The following NEGR1 variants were observed in gnomAD, a reference collection of about 807,000 sequenced individuals.
NEGR1 encodes neuronal growth regulator 1, also known as IgLON family member 4.
In NEGR1, 10 loss-of-function variants were observed where a neutral mutation model predicts 40.9. That is an observed-to-expected ratio of 0.24 (90% confidence interval 0.15 to 0.42). The LOEUF (loss-of-function observed/expected upper bound fraction) is 0.42, where lower values mean the gene tolerates loss of function less well. Ranked by LOEUF, NEGR1 falls within the 10% of genes least tolerant of loss-of-function variation. The pLI is 1.00. For synonymous variants in NEGR1, 185 were observed against 166.8 expected, an observed-to-expected ratio of 1.11 and a Z score of -0.84; for missense variants, 352 against 438.9, an observed-to-expected ratio of 0.80 and a Z score of 1.77.
chr1:71,624,465 C>T (rs972176176), intron 4 of NEGR1, among the ~76,000 whole-genome samples: 2 of 151,952 alleles, frequency 1.3e-5, no homozygotes, highest in African/African-American at 4.8e-5. Context: ...ACTTCCCTCA[C>T]TTTTTCAGAA....
chr1:72,022,285 AT>A, intron 1 of NEGR1, among the ~76,000 whole-genome samples: 1 of 144,060 alleles, frequency 6.9e-6, no homozygotes, highest in African/African-American at 2.5e-5. Flanking sequence ...ATATATATAT[AT>A]ATATATATAT....
At chr1:71,498,528 G>A (rs1031098383) in intron 6 of NEGR1, among the ~76,000 whole-genome samples, 1 of 152,068 alleles carries the variant, frequency 6.6e-6, no homozygotes, top group East Asian at 1.9e-4. Flanking sequence ...AATTGCTCGG[G>A]TGTGCAGCTC....
chr1:71,594,714 T>C (rs923775947), intron 5 of NEGR1, among the ~76,000 whole-genome samples: 2 of 152,230 alleles, frequency 1.3e-5, no homozygotes, highest in Non-Finnish European at 2.9e-5. Context: ...ATTCCCCTAG[T>C]CATTATTATA....
Position 72,113,966 on chromosome 1 carries a change from T to A in NEGR1, c.176+168353A>T, listed in dbSNP as rs183121508. ...TGAAACCACATCCTCTACTTTTCTA[T>A]GTATAAACACTTGTGTAATGTTATG... is the stretch of plus-strand genomic sequence containing the variant. On this transcript the variant is annotated intron_variant, in intron 1 of 6. Transcript: ENST00000357731. Among the ~76,000 whole-genome samples, 4 of 151,872 alleles carry A rather than the reference T, an allele frequency of 2.6e-5. No individual in the cohort carries two copies. In the East Asian group the frequency reaches 5.8e-4, roughly 22 times the overall value.
chr1:72,244,201 A>AT (rs1315864202), intron 1 of NEGR1, among the ~76,000 whole-genome samples: 1 of 151,826 alleles, frequency 6.6e-6, no homozygotes, highest in African/African-American at 2.4e-5. Flanking sequence ...CTAGGCTGCT[A>AT]TTAATGCCTT....
At chr1:72,216,009 C>T (rs12061293) in intron 1 of NEGR1, among the ~76,000 whole-genome samples, 49 of 151,898 alleles carry the variant, frequency 3.2e-4, no homozygotes, top group African/African-American at 1.2e-3. Context: ...ACATATACAC[C>T]ACTGAATACT....
intron 2 of NEGR1, among the ~76,000 whole-genome samples, chr1:71,855,868 A>G (rs151205263): frequency 6.6e-6 from 1 of 152,050 alleles, no homozygotes; most frequent in Non-Finnish European, 1.5e-5. Flanking sequence ...GGAGTATGTT[A>G]GAAATTTCAG....
intron 3 of NEGR1, among the ~76,000 whole-genome samples, chr1:71,740,716 T>C (rs1001308366): frequency 6.6e-5 from 10 of 152,188 alleles, no homozygotes; most frequent in Non-Finnish European, 1.2e-4. Context: ...GAAGGCAATT[T>C]AATGAAATTA....
chr1:72,133,929 T>A (rs532047111), intron 1 of NEGR1, among the ~76,000 whole-genome samples: 1 of 151,988 alleles, frequency 6.6e-6, no homozygotes, highest in Admixed American at 6.5e-5. Flanking sequence ...ATGTTTTAAT[T>A]TTTAAATTTG....
At chr1:71,478,892 A>T (rs1458077786) in intron 6 of NEGR1, among the ~76,000 whole-genome samples, 2 of 151,996 alleles carry the variant, frequency 1.3e-5, no homozygotes, top group Non-Finnish European at 2.9e-5. Flanking sequence ...TGACACATAG[A>T]GTGACACTGT....
chr1:71,514,867 A>AG (rs1281786202), intron 6 of NEGR1, among the ~76,000 whole-genome samples: 1 of 107,654 alleles, frequency 9.3e-6, no homozygotes, highest in Non-Finnish European at 1.8e-5. Context: ...ACCAATACAG[A>AG]GAAGTGCTTA....
intron 1 of NEGR1, among the ~76,000 whole-genome samples, chr1:72,265,137 T>C (rs1394301721): frequency 1.3e-5 from 2 of 150,994 alleles, no homozygotes; most frequent in Admixed American, 6.6e-5. Flanking sequence ...TTTTTTTCTC[T>C]AGCCTACACT....
chr1:72,175,071 C>G (rs1256738402), intron 1 of NEGR1, among the ~76,000 whole-genome samples: 1 of 152,058 alleles, frequency 6.6e-6, no homozygotes, highest in African/African-American at 2.4e-5. Flanking sequence ...CACCCATTAA[C>G]TCGTCATTTA....
intron 2 of NEGR1, among the ~76,000 whole-genome samples, chr1:71,933,760 A>T (rs1445847066): frequency 2.6e-5 from 4 of 152,050 alleles, no homozygotes; most frequent in Non-Finnish European, 5.9e-5. Flanking sequence ...AATCTGTAAA[A>T]AAAAGAAAAA....
At chr1:72,155,827 C>T (rs889011544) in intron 1 of NEGR1, among the ~76,000 whole-genome samples, 1 of 152,052 alleles carries the variant, frequency 6.6e-6, no homozygotes, top group Admixed American at 6.6e-5. Flanking sequence ...GGCAATGTGA[C>T]ATTGGTGTCT....
intron 6 of NEGR1, among the ~76,000 whole-genome samples, chr1:71,512,665 C>T (rs958099930): frequency 6.6e-6 from 1 of 151,818 alleles, no homozygotes; most frequent in African/African-American, 2.4e-5. Flanking sequence ...TCACTACAAC[C>T]TGTGCCTCCC....
At chr1:71,917,606 G>A (rs1570499688) in intron 2 of NEGR1, among the ~76,000 whole-genome samples, 1 of 149,460 alleles carries the variant, frequency 6.7e-6, no homozygotes, top group Non-Finnish European at 1.5e-5. Flanking sequence ...GTGAAACCCC[G>A]TCTCTACTAA....
intron 1 of NEGR1, among the ~76,000 whole-genome samples, chr1:71,942,598 T>G (rs1645976494): frequency 1.7e-5 from 2 of 120,882 alleles, no homozygotes; most frequent in South Asian, 3.3e-4. Flanking sequence ...GCCTCCCGGG[T>G]TCACGCCATT....
intron 2 of NEGR1, among the ~76,000 whole-genome samples, chr1:71,882,984 C>T (rs1660622792): frequency 6.6e-6 from 1 of 152,054 alleles, no homozygotes; most frequent in African/African-American, 2.4e-5. Flanking sequence ...TCCTTTGCAA[C>T]CATTTGTTTA....
Sources: allele counts gnomAD v4.1 joint callset (sites outside exome capture counted in the v4.1 genomes callset), GRCh38; gene constraint gnomAD v4.1.1; transcripts MANE v1.5; gene names NCBI Gene and HGNC (gene_info 2026-07-23, HGNC 2026-07-21).